AKAP11: variants seen among roughly 807,000 people sequenced by gnomAD.
AKAP11 encodes A-kinase anchor protein 11.
In AKAP11, 36 loss-of-function variants were observed where a neutral mutation model predicts 146.1. The ratio of observed to expected loss-of-function variants is 0.25; its 90% CI spans 0.19 to 0.33. The LOEUF (loss-of-function observed/expected upper bound fraction) is 0.33, where lower values mean the gene tolerates loss of function less well. Ranked by LOEUF, AKAP11 falls within the 10% of genes least tolerant of loss-of-function variation. The pLI is 1.00. For synonymous variants in AKAP11, 780 were observed against 786.5 expected (o/e 0.99, Z 0.14); for missense variants, 2,201 against 2,197.0 (o/e 1.00, Z -0.04).
intron 9 of AKAP11, among the ~76,000 whole-genome samples, chr13:42,312,129 T>C (rs774114188): frequency 3.3e-5 from 5 of 152,216 alleles, no homozygotes; most frequent in Non-Finnish European, 7.4e-5. Context: ...TAGCATAATA[T>C]TGGGAAAAAT....
intron 3 of AKAP11, among the ~76,000 whole-genome samples, chr13:42,291,854 T>C (rs1959223714): frequency 6.6e-6 from 1 of 152,236 alleles, no homozygotes; most frequent in Admixed American, 6.5e-5. Flanking sequence ...ACCCTGAAAT[T>C]TGGAATCCCC....
Position 42,277,899 on chromosome 13 carries a change from G to A in AKAP11, c.-100+5671G>A, listed in dbSNP as rs375869051. On this transcript the variant is annotated intron_variant, in intron 1 of 12. Transcript: ENST00000025301. Reference sequence around the variant, plus strand: ...TGGTAGTACTTACAGTCCAGTGCAGGGCATAGACATGTAGACATTTAACTG... The same window carrying A: ...TGGTAGTACTTACAGTCCAGTGCAGAGCATAGACATGTAGACATTTAACTG... Among the ~76,000 whole-genome samples, 3 of 152,308 alleles carry A rather than the reference G, an allele frequency of 2.0e-5. No individual in the cohort carries two copies. The East Asian group carries it at 5.8e-4, about 29-fold the overall frequency.
intron 8 of AKAP11, among the ~76,000 whole-genome samples, chr13:42,304,989 G>T (rs558136785): frequency 3.9e-5 from 6 of 152,264 alleles, no homozygotes; most frequent in Non-Finnish European, 5.9e-5. Context: ...GACCTTAGGT[G>T]ATCTGCCCAC....
chr13:42,300,994 G>A lies in AKAP11; in HGVS notation c.2248G>A (p.Ala750Thr), dbSNP rs1443278584. 3.1e-6 allele frequency: 5 copies of A among 1,614,072 alleles called. No individual in the cohort carries two copies. In the Admixed American group the frequency reaches 6.7e-5, roughly 22 times the overall value. The change falls in exon 8 of 13, where the codon GCA becomes ACA. Residue 750 changes from alanine to threonine, a missense_variant. Physicochemically the swap from Ala to Thr is moderately conservative, Grantham distance 58 (BLOSUM62 0). Around this residue, in one of 3 missense-constraint regions of AKAP11, gnomAD observed 1,867 missense variants for 1,833.5 expected, o/e 1.02. Transcript: ENST00000025301. ...VTFSPSFHNQ[A>T]IMVTKPVQEY... ...GTTTTCCCCTTCTTTTCACAATCAA[G>A]CAATTATGGTGACAAAACCAGTGCA...
chr13:42,317,645 C>G lies in AKAP11; in HGVS notation c.5522C>G (p.Ala1841Gly), dbSNP rs1247949420. The G allele has an allele frequency of 6.2e-7, 1 of 1,613,954 alleles. No homozygotes were observed. Among genetic ancestry groups the G allele is most frequent in the Non-Finnish European group, 8.5e-7 (1 of 1,179,982 alleles). Residue 1841 changes from alanine (A) to glycine (G), a missense_variant, in exon 12 of 13, where the codon GCA becomes GGA. Coordinates refer to ENST00000025301, the MANE Select transcript of AKAP11 (RefSeq NM_016248.4). The stretch of plus-strand genomic sequence containing the variant: ...CTCATTGCCTCTGAGGCTGAAGTTG[C>G]AGAACTTTATTTTCATGACTCTGCA... Reference protein sequence around the residue: ...QWLIASEAEVAELYFHDSANK... With the variant: ...QWLIASEAEVGELYFHDSANK...
Position 42,319,906 on chromosome 13 carries a change from GGT to G in AKAP11, c.*721_*722del, listed in dbSNP as rs3038992. On this transcript the variant is annotated 3_prime_UTR_variant, in exon 13 of 13. Coordinates refer to ENST00000025301, the MANE Select transcript of AKAP11 (RefSeq NM_016248.4). ...TGCTGCCAGTCATTCTGGCATGAAA[GGT>G]GTGTGTGTGTGTGTGTGTGTGTGTG... 0.11 allele frequency: 14,644 copies of G among 132,502 alleles called. 811 individuals carry two copies. The highest frequency in any genetic ancestry group is 0.16 in the African/African-American group (5,951 of 36,462). The allele number at this position is 132,502 out of a possible 1,614,324, so 8.2% of individuals were successfully genotyped here. A position where few individuals can be genotyped will look rare whatever the true frequency, so the allele number is the denominator to read the frequency against.
At chr13:42,283,050 C>T (rs748167882) in intron 1 of AKAP11, among the ~76,000 whole-genome samples, 4 of 152,198 alleles carry the variant, frequency 2.6e-5, no homozygotes, top group Non-Finnish European at 4.4e-5. Context: ...AGAAATCCTG[C>T]TCTAGTAGCT....
chr13:42,284,121 C>G (rs965936060), intron 1 of AKAP11, among the ~76,000 whole-genome samples: 2 of 152,166 alleles, frequency 1.3e-5, no homozygotes, highest in African/African-American at 4.8e-5. Flanking sequence ...TTTTTCTCAT[C>G]GTCAAACCGG....
intron 1 of AKAP11, among the ~76,000 whole-genome samples, chr13:42,276,132 G>A (rs1225932245): frequency 2.6e-5 from 4 of 152,050 alleles, no homozygotes; most frequent in East Asian, 1.9e-4. Context: ...TTTCCCAGTC[G>A]CTGAGACCAG....
intron 9 of AKAP11, among the ~76,000 whole-genome samples, chr13:42,311,384 G>A (rs1048940080): frequency 6.6e-6 from 1 of 152,172 alleles, no homozygotes; most frequent in African/African-American, 2.4e-5. Flanking sequence ...TTCCCACTTA[G>A]GATAGTTTGG....
At chr13:42,291,038 A>G (rs746835451) in intron 3 of AKAP11, among the ~76,000 whole-genome samples, 37 of 152,236 alleles carry the variant, frequency 2.4e-4, no homozygotes, top group Non-Finnish European at 4.1e-4. Flanking sequence ...GTCAGATTCA[A>G]ATGTAACAGT....
In AKAP11 at chr13:42,317,796, T is replaced by TA. The variant is rs1271347973; in HGVS notation, c.5565+109dup. ...TGGTGATGGTTAAATTCTTAGGCTG[T>TA]AGTGTCCAACAGTTTGGGTTCAGAC... On this transcript the variant is annotated intron_variant, in intron 12 of 12. Transcript: ENST00000025301. The TA allele has an allele frequency of 6.2e-6, 8 of 1,293,702 alleles. No homozygotes were observed. The African/African-American group carries it at 1.2e-4, about 19-fold the overall frequency. 80.1% of individuals were successfully genotyped at this position (1,293,702 alleles called of 1,614,324 possible). A position where few individuals can be genotyped will look rare whatever the true frequency, so the allele number is the denominator to read the frequency against.
intron 1 of AKAP11, among the ~76,000 whole-genome samples, chr13:42,273,566 A>G (rs1325025107): frequency 6.6e-6 from 1 of 152,176 alleles, no homozygotes; most frequent in Non-Finnish European, 1.5e-5. Flanking sequence ...AGACTAATGT[A>G]TGTACCCACA....
intron 9 of AKAP11, among the ~76,000 whole-genome samples, chr13:42,311,287 G>A (rs1249690867): frequency 1.4e-4 from 21 of 152,190 alleles, no homozygotes; most frequent in Non-Finnish European, 1.5e-5. Context: ...GATGGAAGCA[G>A]GGTAGTGTTT....
chr13:42,296,415 T>A (rs1308277000), intron 5 of AKAP11, among the ~76,000 whole-genome samples: 2 of 152,154 alleles, frequency 1.3e-5, no homozygotes, highest in Non-Finnish European at 1.5e-5. Context: ...AATGTTCTTC[T>A]TCTCCTTTAA....
At chr13:42,277,946 A>G (rs1390602061) in intron 1 of AKAP11, among the ~76,000 whole-genome samples, 1 of 152,222 alleles carries the variant, frequency 6.6e-6, no homozygotes, top group Non-Finnish European at 1.5e-5. Flanking sequence ...ACTGTAGTCT[A>G]AAGTGCTAAA....
intron 1 of AKAP11, among the ~76,000 whole-genome samples, chr13:42,273,897 A>G (rs372013261): frequency 2.0e-5 from 3 of 152,216 alleles, no homozygotes; most frequent in South Asian, 4.1e-4. Flanking sequence ...CCAGTTGTAA[A>G]TAGGTAGAGG....
At chr13:42,313,024 C>G (rs1329951410) in intron 9 of AKAP11, 23 bp from the exon 10 acceptor site, 1 of 1,598,520 alleles carries the variant, frequency 6.3e-7, no homozygotes, top group Non-Finnish European at 8.6e-7. Flanking sequence ...TAGTTCAGCT[C>G]TGTTCTTTTC....
Position 42,303,035 on chromosome 13 carries a change from A to G in AKAP11, c.4289A>G (p.Asn1430Ser), listed in dbSNP as rs750906974. The G allele has an allele frequency of 3.1e-6, 5 of 1,613,132 alleles. No individual in the cohort carries two copies. The highest frequency in any genetic ancestry group is 2.7e-5 in the African/African-American group (2 of 74,770). ...GACAAAAAGAGACAAAGTAAAAGAA[A>G]TGAAGGTTACTTTTGTAAAAATCAA... ...EADKKRQSKR[N>S]EGYFCKNQTC... is the part of the protein sequence containing the mutation. Residue 1430 changes from asparagine (N) to serine (S), a missense_variant, in exon 8 of 13, where the codon AAT becomes AGT. Asn to Ser is a conservative substitution (Grantham distance 46, BLOSUM62 1). Transcript: ENST00000025301.
Sources: allele counts gnomAD v4.1 joint callset (sites outside exome capture counted in the v4.1 genomes callset), GRCh38; gene constraint gnomAD v4.1.1; regional missense constraint gnomAD v4.1.1; transcripts MANE v1.5; gene names NCBI Gene and HGNC (gene_info 2026-07-23, HGNC 2026-07-21).